PCDHA9: variants seen among roughly 807,000 people sequenced by gnomAD.
The protein encoded by PCDHA9 is protocadherin alpha 9.
Under a neutral mutation model 62.0 loss-of-function variants are expected in PCDHA9, and 62 were observed. That is an observed-to-expected ratio of 1.00 (90% CI 0.81 to 1.23). The LOEUF is 1.23. PCDHA9 is among the 50% of genes most tolerant of loss of function. The pLI is 0.00. For synonymous variants in PCDHA9, 557 were observed against 567.6 expected, an observed-to-expected ratio of 0.98 and a Z score of 0.27; for missense variants, 1,205 against 1,249.8, an observed-to-expected ratio of 0.96 and a Z score of 0.54.
chr5:140,882,451 G>T (rs2059142751), intron 1 of PCDHA9: 4 of 1,613,922 alleles, frequency 2.5e-6, no homozygotes, highest in African/African-American at 1.3e-5. Flanking sequence ...AGCTGGTGCC[G>T]CGCCTGTTCC....
chr5:140,975,840 A>G (rs1387222678), intron 1 of PCDHA9, among the ~76,000 whole-genome samples: 2 of 152,202 alleles, frequency 1.3e-5, no homozygotes, highest in African/African-American at 2.4e-5. Context: ...CTTATTCTTC[A>G]GTAATACTAC....
chr5:140,858,790 A>G, intron 1 of PCDHA9: 1 of 388,116 alleles, frequency 2.6e-6, no homozygotes, highest in Non-Finnish European at 4.7e-6. Context: ...ATGTTATTTC[A>G]TTTCCAATCT....
chr5:141,004,715 G>T (rs989871938), intron 3 of PCDHA9, among the ~76,000 whole-genome samples: 2 of 152,162 alleles, frequency 1.3e-5, no homozygotes, highest in African/African-American at 2.4e-5. Flanking sequence ...CGAATCAGAG[G>T]TTTTTAAATA....
At chr5:140,853,957 G>C in intron 1 of PCDHA9, 1 of 736,982 alleles carries the variant, frequency 1.4e-6, no homozygotes. Flanking sequence ...TCCCTTCCTT[G>C]AGCCCAGCAG....
intron 1 of PCDHA9, chr5:140,859,925 A>T (rs1359267858): frequency 1.3e-5 from 2 of 152,068 alleles, no homozygotes; most frequent in African/African-American, 4.8e-5. Context: ...TAAGTAATAT[A>T]AAAAACTTAG....
chr5:140,932,593 A>G (rs1347990722), intron 1 of PCDHA9, among the ~76,000 whole-genome samples: 1 of 151,922 alleles, frequency 6.6e-6, no homozygotes, highest in African/African-American at 2.4e-5. Flanking sequence ...GATGTTTTGT[A>G]TATCTATTTT....
intron 1 of PCDHA9, among the ~76,000 whole-genome samples, chr5:140,890,478 G>A (rs1358799219): frequency 1.3e-5 from 2 of 151,984 alleles, no homozygotes; most frequent in Non-Finnish European, 2.9e-5. Flanking sequence ...TTTTTTGTGC[G>A]TTATTTTTGT....
chr5:140,873,929 G>C (rs1457405512), intron 1 of PCDHA9, among the ~76,000 whole-genome samples: 3 of 152,138 alleles, frequency 2.0e-5, no homozygotes, highest in African/African-American at 7.2e-5. Flanking sequence ...CCAAAGTGCT[G>C]GGATTACAGG....
rs781967971 is a variant in PCDHA9 at position 140,875,741 on chromosome 5, T to C, written c.2394+24852T>C. 10 of 1,614,098 alleles carry C rather than the reference T, an allele frequency of 6.2e-6. No homozygotes were observed. The highest frequency in any genetic ancestry group is 8.5e-6 in the Non-Finnish European group (10 of 1,180,040). On this transcript the variant is annotated intron_variant, in intron 1 of 3. Coordinates refer to ENST00000532602, the MANE Select transcript of PCDHA9 (RefSeq NM_031857.2). ...GGCATTTTGTTTGTGAATTCTCGGA[T>C]CGACCGCGAGAAGCTGTGCGGGCGG...
chr5:140,904,685 G>A (rs2071317723), intron 1 of PCDHA9, among the ~76,000 whole-genome samples: 1 of 152,104 alleles, frequency 6.6e-6, no homozygotes, highest in African/African-American at 2.4e-5. Context: ...CCCACCAGCA[G>A]TGTAAAATTG....
intron 1 of PCDHA9, among the ~76,000 whole-genome samples, chr5:140,891,121 T>C (rs74535477): frequency 0.041 from 6,261 of 152,308 alleles, 144 homozygotes; most frequent in Middle Eastern, 0.061. Context: ...TCAATCTAAA[T>C]GTCATTCCTT....
intron 1 of PCDHA9, chr5:140,884,056 G>T (rs782776341): frequency 6.2e-7 from 1 of 1,613,358 alleles, no homozygotes; most frequent in Non-Finnish European, 8.5e-7. Flanking sequence ...AGGTGCGCGC[G>T]GTGGACGCCG....
intron 1 of PCDHA9, chr5:140,929,720 C>A (rs146702581): frequency 4.5e-6 from 1 of 224,040 alleles, no homozygotes; most frequent in Admixed American, 5.9e-5. Context: ...GAAGGTGAAA[C>A]ATTTACTTAA....
intron 3 of PCDHA9, among the ~76,000 whole-genome samples, chr5:141,003,794 G>A (rs1158199764): frequency 6.6e-6 from 1 of 152,102 alleles, no homozygotes; most frequent in Non-Finnish European, 1.5e-5. Context: ...AAATCCTATT[G>A]GGTTGTAATC....
chr5:140,897,455 T>C (rs1376435296), intron 1 of PCDHA9, among the ~76,000 whole-genome samples: 1 of 151,682 alleles, frequency 6.6e-6, no homozygotes, highest in Non-Finnish European at 1.5e-5. Flanking sequence ...TTTTTGTCCT[T>C]GCGATAGTTT....
At chr5:140,901,282 T>A (rs555723354) in intron 1 of PCDHA9, among the ~76,000 whole-genome samples, 44 of 152,318 alleles carry the variant, frequency 2.9e-4, no homozygotes, top group African/African-American at 1.0e-3. Context: ...CAAGAAATTT[T>A]TGCCCAGACT....
intron 1 of PCDHA9, among the ~76,000 whole-genome samples, chr5:140,900,046 G>A (rs896570608): frequency 2.4e-4 from 36 of 152,294 alleles, no homozygotes; most frequent in Admixed American, 1.6e-3. Context: ...CTGGGCTCAA[G>A]TGATCCTTTA....
intron 1 of PCDHA9, among the ~76,000 whole-genome samples, chr5:140,971,962 T>C (rs1392143830): frequency 6.6e-6 from 1 of 152,150 alleles, no homozygotes; most frequent in Non-Finnish European, 1.5e-5. Context: ...CAAAAACTTT[T>C]TTTCAATACT....
chr5:140,968,025 C>T lies in PCDHA9; in HGVS notation c.2395-10924C>T, dbSNP rs782679458. ...CTGAATGGCTTTGGAAACTCCTATA[C>T]ACTGGTGGTGAGCGGCCCACTGGAC... On this transcript the variant is annotated intron_variant, in intron 1 of 3. Coordinates refer to ENST00000532602, the MANE Select transcript of PCDHA9 (RefSeq NM_031857.2). 4.3e-6 allele frequency: 7 copies of T among 1,614,200 alleles called. No individual in the cohort carries two copies. In the South Asian group the frequency reaches 6.6e-5, roughly 15 times the overall value.
Sources: allele counts gnomAD v4.1 joint callset (sites outside exome capture counted in the v4.1 genomes callset), GRCh38; gene constraint gnomAD v4.1.1; transcripts MANE v1.5; gene names NCBI Gene and HGNC (gene_info 2026-07-23, HGNC 2026-07-21).